Variants in PAK3 observed in about 807,000 individuals in gnomAD.
The protein encoded by PAK3 is p21 (RAC1) activated kinase 3, also known as serine/threonine-protein kinase PAK 3.
PAK3 carries 4 observed loss-of-function variants against 41.0 expected under a neutral mutation model. The observed-to-expected ratio is 0.10, with a 90% CI of 0.05 to 0.22. The LOEUF is 0.22. Among genes scored for constraint, PAK3 ranks in the 10% least tolerant of loss-of-function variants. The pLI is 1.00. For synonymous variants in PAK3, 146 were observed against 139.6 expected (o/e 1.05, Z -0.32); for missense variants, 205 against 409.9 (o/e 0.50, Z 4.32).
In PAK3 at chrX:111,227,282, A is replaced by T. The variant is rs1356810938; in HGVS notation, c.*6835A>T. The T allele has an allele frequency of 8.9e-6, 1 of 112,166 alleles. No homozygotes were observed. Among genetic ancestry groups the T allele is most frequent in the Non-Finnish European group, 1.9e-5 (1 of 53,269 alleles). The allele number at this position is 112,166 out of a possible 1,213,427, so 9.2% of individuals were successfully genotyped here. A position where few individuals can be genotyped will look rare whatever the true frequency, so the allele number is the denominator to read the frequency against. On this transcript the variant is annotated 3_prime_UTR_variant, in exon 18 of 18. Transcript: ENST00000372007. ...AAAATTGAAATATGGATTGTGCATG[A>T]CTGTGTCTTGAGTGTAAAAATATTG...
chrX:111,060,254 C>A (rs2092644170), intron 1 of PAK3, among the ~76,000 whole-genome samples: 1 of 112,029 alleles, frequency 8.9e-6, no homozygotes, highest in African/African-American at 3.2e-5. Flanking sequence ...TATGTTGAAT[C>A]AATCTTGTAT....
chrX:111,187,156 A>G (rs891650978), intron 11 of PAK3, among the ~76,000 whole-genome samples: 6 of 112,292 alleles, frequency 5.3e-5, no homozygotes, highest in African/African-American at 1.9e-4. Flanking sequence ...TCATCATGTG[A>G]TATCCAACAT....
chrX:110,996,927 A>AGAT (rs2091750071), intron 1 of PAK3, among the ~76,000 whole-genome samples: 1 of 111,985 alleles, frequency 8.9e-6, no homozygotes, highest in Admixed American at 9.5e-5. Context: ...AAAGTAAACT[A>AGAT]GATAATGGAG....
intron 1 of PAK3, among the ~76,000 whole-genome samples, chrX:110,970,886 A>G (rs927632687): frequency 1.8e-5 from 2 of 110,731 alleles, no homozygotes; most frequent in Non-Finnish European, 3.8e-5. Context: ...TGATCATGCC[A>G]TCTGTAAATA....
At chrX:111,018,008 A>G (rs187101929) in intron 1 of PAK3, among the ~76,000 whole-genome samples, 178 of 112,036 alleles carry the variant, frequency 1.6e-3, no homozygotes, top group African/African-American at 5.5e-3. Context: ...AGTTACACAG[A>G]AAGAGCATTT....
chrX:111,189,804 G>A (rs992642708), intron 11 of PAK3, among the ~76,000 whole-genome samples: 1 of 111,399 alleles, frequency 9.0e-6, no homozygotes, highest in Non-Finnish European at 1.9e-5. Flanking sequence ...ACACCAAGTC[G>A]AGGTGATCTA....
intron 5 of PAK3, among the ~76,000 whole-genome samples, chrX:111,140,739 C>T (rs2093859034): frequency 9.0e-6 from 1 of 111,664 alleles, no homozygotes; most frequent in Non-Finnish European, 1.9e-5. Flanking sequence ...CCTTTCTTTC[C>T]TGATCCTGTA....
intron 1 of PAK3, among the ~76,000 whole-genome samples, chrX:111,029,097 A>G (rs2092309820): frequency 8.9e-6 from 1 of 111,923 alleles, no homozygotes; most frequent in Non-Finnish European, 1.9e-5. Context: ...TGGTCATGCC[A>G]CTGCACTCCA....
intron 11 of PAK3, among the ~76,000 whole-genome samples, chrX:111,189,059 C>T (rs2094538238): frequency 3.6e-5 from 4 of 111,435 alleles, no homozygotes. Flanking sequence ...AGTTTTTCAA[C>T]CCTTACCCTC....
chrX:111,006,300 C>T (rs61012282), intron 1 of PAK3, among the ~76,000 whole-genome samples: 3,037 of 111,534 alleles, frequency 0.027, 105 homozygotes, highest in African/African-American at 0.089. Flanking sequence ...ACTTGGTAAC[C>T]ATGGTGCTGT....
chrX:110,974,699 C>T lies in PAK3; in HGVS notation c.-28+30071C>T, dbSNP rs182279792. Among the ~76,000 whole-genome samples the T allele has an allele frequency of 2.1e-3, 230 of 111,678 alleles. 1 individual carries two copies. The highest frequency in any genetic ancestry group is 6.9e-3 in the African/African-American group (211 of 30,737). On this transcript the variant is annotated intron_variant, in intron 1 of 14. Transcript: ENST00000425146. ...CCAATATCCCTGATGATCATTAGTG[C>T]GAAAATCCTCAATAAAATACCGGCA...
chrX:111,219,083 A>G (rs934796022), intron 17 of PAK3, among the ~76,000 whole-genome samples: 2 of 108,194 alleles, frequency 1.8e-5, no homozygotes, highest in African/African-American at 6.7e-5. Flanking sequence ...CTAGCTACTC[A>G]GGAGACTGAG....
intron 4 of PAK3, among the ~76,000 whole-genome samples, chrX:111,112,406 C>T (rs1321140477): frequency 9.1e-6 from 1 of 110,177 alleles, no homozygotes; most frequent in African/African-American, 3.3e-5. Flanking sequence ...AACCTTTTCT[C>T]ATCTTTGCAC....
intron 1 of PAK3, among the ~76,000 whole-genome samples, chrX:111,021,786 A>C (rs1413241352): frequency 9.1e-6 from 1 of 110,234 alleles, no homozygotes; most frequent in Admixed American, 9.8e-5. Context: ...ATGATATAGG[A>C]TATGAACGGA....
At chrX:110,994,965 C>G (rs186750401) in intron 1 of PAK3, among the ~76,000 whole-genome samples, 2 of 112,178 alleles carry the variant, frequency 1.8e-5, no homozygotes, top group Admixed American at 1.9e-4. Flanking sequence ...AAGCACACAA[C>G]ACAGTGCTCA....
At chrX:111,199,854 C>T (rs2094660091) in intron 16 of PAK3, among the ~76,000 whole-genome samples, 1 of 111,669 alleles carries the variant, frequency 9.0e-6, no homozygotes, top group African/African-American at 3.3e-5. Context: ...CGGAGATGTG[C>T]TGTTGATCAT....
At chrX:111,026,058 C>T (rs1428995454) in intron 1 of PAK3, among the ~76,000 whole-genome samples, 2 of 111,706 alleles carry the variant, frequency 1.8e-5, no homozygotes, top group African/African-American at 6.5e-5. Context: ...CAAAAAATCA[C>T]ATGATCATCT....
At chrX:111,145,422 A>G (rs2093930613) in intron 6 of PAK3, among the ~76,000 whole-genome samples, 1 of 112,163 alleles carries the variant, frequency 8.9e-6, no homozygotes, top group Non-Finnish European at 1.9e-5. Flanking sequence ...CAATATTCTA[A>G]TGATTATGGT....
chrX:110,997,107 G>A (rs769925763), intron 1 of PAK3, among the ~76,000 whole-genome samples: 1 of 111,452 alleles, frequency 9.0e-6, no homozygotes, highest in Admixed American at 9.6e-5. Context: ...ATCATACCTA[G>A]TATGTTTGAA....
Sources: allele counts gnomAD v4.1 joint callset (sites outside exome capture counted in the v4.1 genomes callset), GRCh38; gene constraint gnomAD v4.1.1; transcripts MANE v1.5; gene names NCBI Gene and HGNC (gene_info 2026-07-23, HGNC 2026-07-21).